Variants in INTS3 observed in about 807,000 individuals in gnomAD.
INTS3 encodes the protein SOSS complex subunit A.
In INTS3, 34 loss-of-function variants were observed where a neutral mutation model predicts 146.3. That is an observed-to-expected ratio of 0.23 (90% CI 0.18 to 0.31). The LOEUF is 0.31. Among genes scored for constraint, INTS3 ranks in the 10% least tolerant of loss-of-function variants. The pLI, the probability that INTS3 is intolerant of heterozygous loss-of-function variation, is 1.00. For missense variants in INTS3, 757 were observed against 1,304.2 expected, an observed-to-expected ratio of 0.58 and a Z score of 6.46; for synonymous variants, 475 against 494.9, an observed-to-expected ratio of 0.96 and a Z score of 0.53.
Position 153,761,561 on chromosome 1 carries a change from C to T in INTS3, c.1410-9C>T. 2 of 1,589,222 alleles carry T rather than the reference C, an allele frequency of 1.3e-6. No individual in the cohort carries two copies. Among genetic ancestry groups the T allele is most frequent in the Non-Finnish European group, 1.7e-6 (2 of 1,158,614 alleles). ...TCTGATATTGACCTTCATCATGTTCCCCATTTAGACACCTAGCTCCCCTGT... is the reference window on the plus strand; with the variant it reads ...TCTGATATTGACCTTCATCATGTTCTCCATTTAGACACCTAGCTCCCCTGT... On this transcript the variant is annotated splice_polypyrimidine_tract_variant and intron_variant, in intron 13 of 29. Transcript: ENST00000318967.
intron 22 of INTS3, 97 bp downstream of exon 22, chr1:153,769,058 A>G (rs577970882): frequency 1.2e-5 from 12 of 983,358 alleles, no homozygotes; most frequent in South Asian, 5.3e-5. Flanking sequence ...CAGGGAGCCC[A>G]TGCCTCCCAG....
intron 20 of INTS3, 76 bp from the exon 21 acceptor site, chr1:153,767,598 C>T (rs1209484231): frequency 6.2e-6 from 9 of 1,442,102 alleles, no homozygotes; most frequent in African/African-American, 2.9e-5. Flanking sequence ...AGTTTTAGAG[C>T]GGGAGCCTGC....
chr1:153,764,273 T>TA (rs1173451224), intron 18 of INTS3, 52 bp downstream of exon 18: 1 of 1,292,158 alleles, frequency 7.7e-7, no homozygotes, highest in Non-Finnish European at 1.1e-6. Flanking sequence ...AGGGTGCTCT[T>TA]ACAGCCTGAG....
At chr1:153,762,697 A>C in intron 14 of INTS3, 31 bp from the exon 15 acceptor site, 1 of 1,613,610 alleles carries the variant, frequency 6.2e-7, no homozygotes, top group Non-Finnish European at 8.5e-7. Flanking sequence ...CCAGGAGGCC[A>C]TTAAATGCCT....
chr1:153,739,274 C>T (rs1429763826), intron 1 of INTS3, among the ~76,000 whole-genome samples: 1 of 152,000 alleles, frequency 6.6e-6, no homozygotes, highest in East Asian at 1.9e-4. Context: ...ACCATGTTGG[C>T]TAGGATAGTC....
At position 153,760,875 on chromosome 1, in the gene INTS3, G is replaced by T; in HGVS notation, c.1366G>T (p.Val456Phe). Residue 456 changes from valine (V) to phenylalanine (F), a missense_variant, in exon 13 of 30, where the codon GTC becomes TTC. Val to Phe is a conservative substitution (Grantham distance 50). Transcript: ENST00000318967. Reference protein sequence around the residue: ...PPLEGHVRQGVFSSLNHIVEK... With the variant: ...PPLEGHVRQGFFSSLNHIVEK... ...ATTGGAGGGCCACGTGCGGCAGGGTGTCTTTTCCTCCCTCAACCACATTGT... is the reference window on the plus strand; with the variant it reads ...ATTGGAGGGCCACGTGCGGCAGGGTTTCTTTTCCTCCCTCAACCACATTGT... 6.2e-7 allele frequency: 1 copy of T among 1,614,172 alleles called. No individual in the cohort carries two copies. The highest frequency in any genetic ancestry group is 8.5e-7 in the Non-Finnish European group (1 of 1,180,018).
intron 16 of INTS3, 121 bp from the exon 17 acceptor site, chr1:153,763,709 TAC>T: frequency 2.3e-6 from 2 of 872,074 alleles, no homozygotes; most frequent in Non-Finnish European, 3.7e-6. Context: ...GCTGGGATTT[TAC>T]ACAGAGCTCC....
chr1:153,762,656 C>A, intron 14 of INTS3, 72 bp from the exon 15 acceptor site: 1 of 1,565,396 alleles, frequency 6.4e-7, no homozygotes, highest in Non-Finnish European at 8.7e-7. Flanking sequence ...TCCATTCTCC[C>A]TTCCTAGAAG....
At chr1:153,760,805 T>C in intron 12 of INTS3, 22 bp from the exon 13 acceptor site, 1 of 1,588,108 alleles carries the variant, frequency 6.3e-7, no homozygotes. Context: ...TGCTCATTTT[T>C]CCCCTCCTTC....
chr1:153,767,734 C>T lies in INTS3; in HGVS notation c.2151C>T (p.Gly717=), dbSNP rs749337099. Residue 717 remains glycine, a synonymous_variant, in exon 21 of 30, where the codon GGC becomes GGT. Transcript: ENST00000318967. ...CATTTGCCCAGGCTACCCAGCTGGG[C>T]GATCTGCACACCTGCCTGATGATGG... ...YESFAQATQL[G]DLHTCLMMDM... 5 of 1,612,434 alleles carry T rather than the reference C, an allele frequency of 3.1e-6. No homozygotes were observed. Among genetic ancestry groups the T allele is most frequent in the South Asian group, 2.2e-5 (2 of 90,982 alleles).
intron 1 of INTS3, 36 bp from the exon 2 acceptor site, chr1:153,740,615 A>G: frequency 6.6e-7 from 1 of 1,515,468 alleles, no homozygotes; most frequent in Non-Finnish European, 9.2e-7. Context: ...AAGTGGTGTT[A>G]TGACACACTG....
intron 10 of INTS3, 50 bp from the exon 11 acceptor site, chr1:153,759,475 AG>A (rs1401250046): frequency 6.7e-6 from 8 of 1,198,866 alleles, no homozygotes; most frequent in South Asian, 1.2e-5. Context: ...TCTGAAATGG[AG>A]GGGGGTGATT....
chr1:153,744,930 G>GA (rs1671669183), intron 3 of INTS3, among the ~76,000 whole-genome samples: 1 of 152,118 alleles, frequency 6.6e-6, no homozygotes, highest in Non-Finnish European at 1.5e-5. Context: ...GGAGTGCCTG[G>GA]ATTTGAATCC....
intron 3 of INTS3, among the ~76,000 whole-genome samples, chr1:153,745,891 A>G (rs897454196): frequency 6.6e-6 from 1 of 152,176 alleles, no homozygotes; most frequent in African/African-American, 2.4e-5. Flanking sequence ...GAATCACTTG[A>G]GGCCAAGAGT....
Position 153,728,418 on chromosome 1 carries a change from G to A in INTS3, c.-217G>A. 1 of 530,174 alleles carries A rather than the reference G, an allele frequency of 1.9e-6. No homozygotes were observed. The highest frequency in any genetic ancestry group is 3.3e-6 in the Non-Finnish European group (1 of 304,698). The allele number at this position is 530,174 out of a possible 1,614,324, so 32.8% of individuals were successfully genotyped here. ...GAGCCAACGCCTTTCCCTCAGCACT[G>A]CCACCCCAGAGTCAGGACCCAGAGG... On this transcript the variant is annotated 5_prime_UTR_variant, in exon 1 of 30. Transcript: ENST00000318967.
Position 153,772,991 on chromosome 1 carries a change from G to T in INTS3, c.2961G>T (p.Arg987=). ...EDSSTKPPKS[R]RKAALSSPRS... ...CTTCCACCAAGCCACCCAAGAGCCG[G>T]CGAAAAGCAGCTCTGTCCAGCCCTC... The change falls in exon 29 of 30, where the codon CGG becomes CGT. Residue 987 remains arginine (R), a synonymous_variant. Transcript: ENST00000318967. This position sits in a 1 kb window ranked among gnomAD's most constrained non-coding sequence, Gnocchi z 4.6. The T allele has an allele frequency of 6.2e-7, 1 of 1,614,180 alleles. No individual in the cohort carries two copies. The highest frequency in any genetic ancestry group is 8.5e-7 in the Non-Finnish European group (1 of 1,180,026).
intron 29 of INTS3, 56 bp downstream of exon 29, chr1:153,773,137 G>C (rs559924287): frequency 1.9e-6 from 3 of 1,613,410 alleles, no homozygotes; most frequent in South Asian, 2.2e-5. Flanking sequence ...AGGTGGAGTC[G>C]GCGCCAGCAG....
chr1:153,764,269 C>T (rs1410877913), intron 18 of INTS3, 48 bp downstream of exon 18: 1 of 1,298,578 alleles, frequency 7.7e-7, no homozygotes, highest in South Asian at 1.2e-5. Context: ...CCAGAGGGTG[C>T]TCTTACAGCC....
At position 153,760,295 on chromosome 1, in the gene INTS3, A is replaced by T. The variant is rs369312273; in HGVS notation, c.1238-16A>T. ...ACTGACTGATGTGAGGGGCTCTTTA[A>T]TTTCACATCCTCCAGAACCAGCCAT... On this transcript the variant is annotated splice_polypyrimidine_tract_variant and intron_variant, in intron 11 of 29. Coordinates refer to ENST00000318967, the MANE Select transcript of INTS3 (RefSeq NM_023015.5). 23 of 1,522,832 alleles carry T rather than the reference A, an allele frequency of 1.5e-5. No homozygotes were observed. The highest frequency in any genetic ancestry group is 4.1e-5 in the African/African-American group (3 of 72,496). The allele number at this position is 1,522,832 out of a possible 1,614,324, so 94.3% of individuals were successfully genotyped here.
Sources: allele counts gnomAD v4.1 joint callset (sites outside exome capture counted in the v4.1 genomes callset), GRCh38; gene constraint gnomAD v4.1.1; non-coding constraint Gnocchi (gnomAD v3.1); transcripts MANE v1.5; gene names NCBI Gene and HGNC (gene_info 2026-07-23, HGNC 2026-07-21).